THSD7B: variants seen among roughly 807,000 people sequenced by gnomAD.
THSD7B encodes the protein thrombospondin type 1 domain containing 7B.
In THSD7B, 138 loss-of-function variants were observed where a neutral mutation model predicts 213.6. The observed-to-expected ratio is 0.65, with a 90% CI of 0.56 to 0.74. THSD7B has a LOEUF of 0.74. Among genes scored for constraint, THSD7B ranks in the 30% least tolerant of loss-of-function variants. The pLI, the probability that THSD7B is intolerant of heterozygous loss-of-function variation, is 0.00. For missense variants in THSD7B, 1,931 were observed against 1,991.5 expected (o/e 0.97, Z 0.58); for synonymous variants, 742 against 687.0 (o/e 1.08, Z -1.25).
intron 12 of THSD7B, among the ~76,000 whole-genome samples, chr2:137,404,469 AT>A: frequency 1.8e-5 from 2 of 112,552 alleles, no homozygotes; most frequent in African/African-American, 7.5e-5. Flanking sequence ...ATATATATAT[AT>A]ATATACACAC....
At chr2:137,386,336 A>G (rs1685892695) in intron 12 of THSD7B, among the ~76,000 whole-genome samples, 1 of 152,176 alleles carries the variant, frequency 6.6e-6, no homozygotes, top group Non-Finnish European at 1.5e-5. Context: ...TGACATACAG[A>G]ACACATTGTA....
intron 4 of THSD7B, among the ~76,000 whole-genome samples, chr2:137,112,540 C>T (rs1688368103): frequency 6.6e-6 from 1 of 152,176 alleles, no homozygotes; most frequent in Admixed American, 6.5e-5. Context: ...TCCCAAATTT[C>T]TCCATTGCTA....
At chr2:137,551,952 G>A (rs908075066) in intron 15 of THSD7B, among the ~76,000 whole-genome samples, 6 of 152,128 alleles carry the variant, frequency 3.9e-5, no homozygotes, top group African/African-American at 1.4e-4. Context: ...CTGACTCCCA[G>A]TGCTACCCTC....
chr2:137,185,058 TA>T (rs1680525485), intron 7 of THSD7B, among the ~76,000 whole-genome samples: 1 of 152,064 alleles, frequency 6.6e-6, no homozygotes, highest in Non-Finnish European at 1.5e-5. Flanking sequence ...TTATGGAGAA[TA>T]AAAATGGCAT....
At chr2:137,019,756 C>A (rs1686408998) in intron 2 of THSD7B, among the ~76,000 whole-genome samples, 1 of 152,146 alleles carries the variant, frequency 6.6e-6, no homozygotes, top group African/African-American at 2.4e-5. Context: ...TCCTTAGAGA[C>A]TAGCTCAGTG....
rs193149356 is a variant in THSD7B at position 137,129,586 on chromosome 2, C to T, written c.1369+14293C>T. Among the ~76,000 whole-genome samples, 130 of 151,788 alleles carry T rather than the reference C, an allele frequency of 8.6e-4. 2 individuals carry two copies. In the East Asian group the frequency reaches 0.023, roughly 27 times the overall value. Reference sequence around the variant, plus strand: ...TCCCAAGTAGCTGGGACCACAGGCCCGTGCCACCACACCTAGCTAATTTAA... The same window carrying T: ...TCCCAAGTAGCTGGGACCACAGGCCTGTGCCACCACACCTAGCTAATTTAA... On this transcript the variant is annotated intron_variant, in intron 5 of 27. Transcript: ENST00000409968.
In THSD7B at chr2:137,558,442, A is replaced by G. The variant is rs552779215; in HGVS notation, c.3139-4779A>G. On this transcript the variant is annotated intron_variant, in intron 15 of 27. Coordinates refer to ENST00000409968, the MANE Select transcript of THSD7B (RefSeq NM_001316349.2). Reference sequence around the variant, plus strand: ...ATCAATAAACATAATCCAGCATATAAACAGAACCAAAGGCAAAAACCACGT... The same window carrying G: ...ATCAATAAACATAATCCAGCATATAGACAGAACCAAAGGCAAAAACCACGT... Among the ~76,000 whole-genome samples, 13 of 152,334 alleles carry G rather than the reference A, an allele frequency of 8.5e-5. No homozygotes were observed. In the South Asian group the frequency reaches 1.0e-3, roughly 12 times the overall value.
intron 1 of THSD7B, among the ~76,000 whole-genome samples, chr2:136,802,661 A>ATATATATATATATG (rs1682210050): frequency 8.0e-6 from 1 of 124,320 alleles, no homozygotes; most frequent in Non-Finnish European, 1.7e-5. Flanking sequence ...ATATATATAT[A>ATATATATATATATG]TATATATATA....
intron 1 of THSD7B, among the ~76,000 whole-genome samples, chr2:136,775,110 A>G (rs780387468): frequency 1.3e-5 from 2 of 152,120 alleles, no homozygotes; most frequent in Non-Finnish European, 2.9e-5. Flanking sequence ...CTTTATTTAT[A>G]TATGTCTATC....
intron 15 of THSD7B, among the ~76,000 whole-genome samples, chr2:137,560,788 C>G (rs1352733127): frequency 1.3e-5 from 2 of 151,974 alleles, no homozygotes; most frequent in Non-Finnish European, 2.9e-5. Flanking sequence ...AGTGTTTGCT[C>G]CCCTAGCAGC....
intron 17 of THSD7B, among the ~76,000 whole-genome samples, chr2:137,575,742 A>ATATATATATATATATATATATATATATT (rs1235744133): frequency 1.2e-3 from 175 of 147,334 alleles, no homozygotes; most frequent in Non-Finnish European, 1.9e-3. Context: ...ATATATATAT[A>ATATATATATATATATATATATATATATT]TTTTTACTTT....
chr2:137,635,053 T>C (rs960038518), intron 20 of THSD7B, among the ~76,000 whole-genome samples: 4 of 152,184 alleles, frequency 2.6e-5, no homozygotes, highest in Non-Finnish European at 5.9e-5. Context: ...TCAATATCAA[T>C]GTTGTTTATA....
intron 5 of THSD7B, among the ~76,000 whole-genome samples, chr2:137,131,451 G>C (rs1034626239): frequency 6.6e-6 from 1 of 152,108 alleles, no homozygotes; most frequent in African/African-American, 2.4e-5. Flanking sequence ...TGAAGTCCTT[G>C]CCCATGCCTA....
chr2:137,415,180 C>T (rs1238212277), intron 14 of THSD7B, among the ~76,000 whole-genome samples: 1 of 152,036 alleles, frequency 6.6e-6, no homozygotes, highest in Non-Finnish European at 1.5e-5. Flanking sequence ...CTTTGTCTCC[C>T]ATTTGCATTT....
intron 17 of THSD7B, among the ~76,000 whole-genome samples, chr2:137,580,060 G>A (rs1032036361): frequency 1.3e-5 from 2 of 151,914 alleles, no homozygotes; most frequent in African/African-American, 4.8e-5. Flanking sequence ...CGGGTTTACT[G>A]TATAAAGATA....
chr2:137,624,794 A>G (rs1161155799), intron 20 of THSD7B, among the ~76,000 whole-genome samples: 2 of 152,350 alleles, frequency 1.3e-5, no homozygotes, highest in African/African-American at 4.8e-5. Flanking sequence ...CACACCAGTT[A>G]GAATGGTGAT....
chr2:137,122,539 A>G (rs1207958682), intron 5 of THSD7B, among the ~76,000 whole-genome samples: 1 of 152,166 alleles, frequency 6.6e-6, no homozygotes, highest in Admixed American at 6.5e-5. Flanking sequence ...CAAGCTGGCC[A>G]TGAATATGGG....
chr2:137,517,309 G>A (rs760655403), intron 15 of THSD7B, among the ~76,000 whole-genome samples: 4 of 152,234 alleles, frequency 2.6e-5, no homozygotes, highest in Non-Finnish European at 5.9e-5. Flanking sequence ...ATGACACTAT[G>A]CTGATTGGAT....
chr2:137,318,861 C>G (rs1225941333), intron 12 of THSD7B, among the ~76,000 whole-genome samples: 3 of 116,018 alleles, frequency 2.6e-5, no homozygotes, highest in African/African-American at 9.9e-5. Flanking sequence ...GTGGTGCTAT[C>G]TCGGCTCACT....
Sources: allele counts gnomAD v4.1 joint callset (sites outside exome capture counted in the v4.1 genomes callset), GRCh38; gene constraint gnomAD v4.1.1; transcripts MANE v1.5; gene names NCBI Gene and HGNC (gene_info 2026-07-23, HGNC 2026-07-21).